The following MAP4 variants were observed in gnomAD, a reference collection of about 807,000 sequenced individuals.
MAP4 encodes the protein microtubule associated protein 4.
A neutral mutation model predicts 170.2 loss-of-function variants in MAP4; 76 were observed. That is an observed-to-expected ratio of 0.45 (90% CI 0.37 to 0.54). MAP4 has a LOEUF of 0.54. Ranked by LOEUF, MAP4 falls within the 20% of genes least tolerant of loss-of-function variation. The pLI is 0.00. For synonymous variants in MAP4, 909 were observed against 994.5 expected, an observed-to-expected ratio of 0.91 and a Z score of 1.62; for missense variants, 2,506 against 2,748.0, an observed-to-expected ratio of 0.91 and a Z score of 1.97.
intron 3 of MAP4, among the ~76,000 whole-genome samples, chr3:47,936,380 C>G (rs544207641): frequency 5.4e-4 from 82 of 151,096 alleles, no homozygotes; most frequent in Non-Finnish European, 9.4e-4. Flanking sequence ...TGCAGTGACC[C>G]GAGATCACAT....
rs927215821 is a variant in MAP4, at chr3:48,009,725, G to T, written c.-20+6609C>A. On this transcript the variant is annotated intron_variant, in intron 1 of 20. Transcript: ENST00000683076. ...GCCAGGATTCACAGGTCCAGGAATC[G>T]AGGGGTGGAACTGGAAGTGGCACCA... Among the ~76,000 whole-genome samples, 29 of 152,250 alleles carry T rather than the reference G, an allele frequency of 1.9e-4. 1 individual carries two copies. Among genetic ancestry groups the T allele is most frequent in the African/African-American group, 5.8e-4 (24 of 41,528 alleles).
chr3:47,976,748 T>C (rs565477116), intron 3 of MAP4, among the ~76,000 whole-genome samples: 1 of 152,056 alleles, frequency 6.6e-6, no homozygotes, highest in Non-Finnish European at 1.5e-5. Context: ...AAGTAAAGAG[T>C]TCCTAATTTA....
At chr3:47,907,736 G>A (rs2100033902) in intron 9 of MAP4, among the ~76,000 whole-genome samples, 1 of 152,182 alleles carries the variant, frequency 6.6e-6, no homozygotes, top group South Asian at 2.1e-4. Flanking sequence ...TAAAGAATGG[G>A]TCTAGAAACC....
intron 1 of MAP4, among the ~76,000 whole-genome samples, chr3:48,003,409 G>A (rs377401905): frequency 3.9e-4 from 57 of 145,708 alleles, no homozygotes; most frequent in East Asian, 2.0e-3. Flanking sequence ...AGCAGAGATC[G>A]CGCCACTGCA....
chr3:48,057,781 A>ATAT (rs1382412047), intron 1 of MAP4, among the ~76,000 whole-genome samples: 2 of 152,134 alleles, frequency 1.3e-5, no homozygotes, highest in African/African-American at 4.8e-5. Flanking sequence ...CCTGGTTGTG[A>ATAT]TATTGTACCA....
intron 2 of MAP4, among the ~76,000 whole-genome samples, chr3:47,986,288 T>C (rs2100088622): frequency 6.6e-6 from 1 of 152,224 alleles, no homozygotes; most frequent in South Asian, 2.1e-4. Context: ...GCTTGCAGAA[T>C]ATTTTTAGCA....
Position 47,852,907 on chromosome 3 carries a change from T to C in MAP4, c.*27A>G. The C allele has an allele frequency of 6.2e-7, 1 of 1,608,936 alleles. No individual in the cohort carries two copies. Among genetic ancestry groups the C allele is most frequent in the Non-Finnish European group, 8.5e-7 (1 of 1,177,228 alleles). Reference sequence around the variant, plus strand: ...CCCGTGGTCGGTGCGGGCCCTGGCATTTGCCCGGAACGTCAGCCTGTAGGT... The same window carrying C: ...CCCGTGGTCGGTGCGGGCCCTGGCACTTGCCCGGAACGTCAGCCTGTAGGT... On this transcript the variant is annotated 3_prime_UTR_variant, in exon 21 of 21. Coordinates refer to ENST00000683076, the MANE Select transcript of MAP4 (RefSeq NM_001385682.1).
chr3:47,918,094 T>C (rs1253707599), intron 6 of MAP4, among the ~76,000 whole-genome samples: 4 of 152,228 alleles, frequency 2.6e-5, no homozygotes, highest in African/African-American at 9.6e-5. Context: ...GTGATTCTCC[T>C]GCCTCAGCCT....
intron 10 of MAP4, chr3:47,892,088 T>C: frequency 1.3e-6 from 2 of 1,536,114 alleles, no homozygotes; most frequent in Non-Finnish European, 1.7e-6. Flanking sequence ...GTCTGGCCCC[T>C]CTATGAGTCC....
intron 2 of MAP4, among the ~76,000 whole-genome samples, chr3:47,979,936 C>T (rs921098192): frequency 2.6e-5 from 4 of 151,846 alleles, no homozygotes; most frequent in East Asian, 3.9e-4. Context: ...GCAATCCTCC[C>T]GCCTCAGCCT....
At chr3:48,050,637 G>A (rs1579568989) in intron 1 of MAP4, among the ~76,000 whole-genome samples, 1 of 151,118 alleles carries the variant, frequency 6.6e-6, no homozygotes, top group South Asian at 2.1e-4. Context: ...GGACGTGCGC[G>A]GTGGCCCACA....
chr3:47,966,089 G>A (rs1299068600), intron 3 of MAP4, among the ~76,000 whole-genome samples: 4 of 151,898 alleles, frequency 2.6e-5, no homozygotes, highest in East Asian at 3.9e-4. Flanking sequence ...AAGAGAGGGA[G>A]AGACAGGATT....
intron 1 of MAP4, among the ~76,000 whole-genome samples, chr3:48,064,560 A>T (rs544926417): frequency 6.6e-6 from 1 of 152,052 alleles, no homozygotes; most frequent in Non-Finnish European, 1.5e-5. Flanking sequence ...CTCTTTCTCT[A>T]CTGTAATTCC....
Position 47,855,344 on chromosome 3 carries a change from C to A in MAP4, c.6600G>T (p.Lys2200Asn), listed in dbSNP as rs367661176. ...IKHKPGGGDV[K>N]IESQKLNFKE... is the part of the protein sequence containing the mutation. ...TGAAGTTCAACTTCTGACTTTCAAT[C>A]TTGACATCTCCTCCACCTGGAACCA... is the stretch of plus-strand genomic sequence containing the variant. Residue 2200 changes from lysine to asparagine, a missense_variant, in exon 19 of 21, where the codon AAG becomes AAT. Transcript: ENST00000683076. This position sits in a 1 kb window ranked among gnomAD's most constrained non-coding sequence, Gnocchi z 5.1. 1 of 1,612,090 alleles carries A rather than the reference C, an allele frequency of 6.2e-7. No individual in the cohort carries two copies. The highest frequency in any genetic ancestry group is 8.5e-7 in the Non-Finnish European group (1 of 1,178,140).
chr3:48,080,391 T>G (rs187580281), intron 1 of MAP4, among the ~76,000 whole-genome samples: 10 of 152,228 alleles, frequency 6.6e-5, no homozygotes, highest in African/African-American at 1.9e-4. Flanking sequence ...AAAAGAATTG[T>G]TTTTGCTCTC....
At chr3:48,034,377 G>A (rs1019400304) in intron 1 of MAP4, among the ~76,000 whole-genome samples, 6 of 151,846 alleles carry the variant, frequency 4.0e-5, no homozygotes, top group African/African-American at 1.5e-4. Context: ...AAACCATAAG[G>A]AAAAAACAGC....
At chr3:47,901,001 CCT>C (rs1333680294) in intron 10 of MAP4, among the ~76,000 whole-genome samples, 2 of 152,146 alleles carry the variant, frequency 1.3e-5, no homozygotes, top group Non-Finnish European at 2.9e-5. Context: ...AACAGATGTC[CCT>C]GTTTCCCCAA....
chr3:47,924,717 G>C (rs2100044819), intron 4 of MAP4, among the ~76,000 whole-genome samples: 1 of 152,118 alleles, frequency 6.6e-6, no homozygotes, highest in African/African-American at 2.4e-5. Flanking sequence ...CGTGGCCGTT[G>C]AATGGAGGCC....
At chr3:48,011,648 C>T (rs1422219898) in intron 1 of MAP4, among the ~76,000 whole-genome samples, 1 of 152,018 alleles carries the variant, frequency 6.6e-6, no homozygotes, top group Non-Finnish European at 1.5e-5. Flanking sequence ...CTATGCTCGT[C>T]CAGCCTACTT....
Sources: allele counts gnomAD v4.1 joint callset (sites outside exome capture counted in the v4.1 genomes callset), GRCh38; gene constraint gnomAD v4.1.1; non-coding constraint Gnocchi (gnomAD v3.1); transcripts MANE v1.5; gene names NCBI Gene and HGNC (gene_info 2026-07-23, HGNC 2026-07-21).